Variants in NELL1 observed in about 807,000 individuals in gnomAD.
The protein encoded by NELL1 is neural EGFL like 1, also known as protein kinase C-binding protein NELL1.
A neutral mutation model predicts 107.4 loss-of-function variants in NELL1; 76 were observed. That is an observed-to-expected ratio of 0.71 (90% CI 0.59 to 0.86). The LOEUF (loss-of-function observed/expected upper bound fraction) is 0.86, where lower values mean the gene tolerates loss of function less well. Ranked by LOEUF, NELL1 falls within the 40% of genes least tolerant of loss-of-function variation. The pLI is 0.00. For synonymous variants in NELL1, 353 were observed against 341.2 expected (o/e 1.03, Z -0.38); for missense variants, 1,024 against 1,005.5 (o/e 1.02, Z -0.25).
At chr11:20,774,330 C>A (rs1257152421) in intron 2 of NELL1, among the ~76,000 whole-genome samples, 3 of 133,660 alleles carry the variant, frequency 2.2e-5, no homozygotes, top group Non-Finnish European at 4.8e-5. Flanking sequence ...TTCTTTTTTT[C>A]TTTCCTTCTC....
intron 12 of NELL1, among the ~76,000 whole-genome samples, chr11:21,057,118 T>G (rs1327047938): frequency 6.6e-6 from 1 of 152,056 alleles, no homozygotes; most frequent in Non-Finnish European, 1.5e-5. Flanking sequence ...ATTAAGAACT[T>G]TGTCAAATCA....
chr11:20,956,929 A>G (rs1851187136), intron 11 of NELL1, among the ~76,000 whole-genome samples: 1 of 152,174 alleles, frequency 6.6e-6, no homozygotes, highest in African/African-American at 2.4e-5. Flanking sequence ...AGTTCATCTA[A>G]AATGCTGCCT....
At chr11:21,525,666 A>C (rs1176530569) in intron 15 of NELL1, among the ~76,000 whole-genome samples, 1 of 152,222 alleles carries the variant, frequency 6.6e-6, no homozygotes, top group Non-Finnish European at 1.5e-5. Context: ...ATTGACTCAC[A>C]GTTCCACATG....
At chr11:21,386,457 T>C (rs936291110) in intron 15 of NELL1, among the ~76,000 whole-genome samples, 1 of 151,862 alleles carries the variant, frequency 6.6e-6, no homozygotes, top group African/African-American at 2.4e-5. Context: ...CCCACTTCCT[T>C]CCATAGACAA....
chr11:21,078,667 T>C (rs1168291545), intron 12 of NELL1, among the ~76,000 whole-genome samples: 4 of 152,118 alleles, frequency 2.6e-5, no homozygotes, highest in Admixed American at 6.5e-5. Context: ...CACACATATA[T>C]ACATGCATAC....
chr11:20,927,173 T>C (rs1375106302), intron 7 of NELL1, 135 bp from the exon 8 acceptor site: 3 of 719,298 alleles, frequency 4.2e-6, no homozygotes, highest in Admixed American at 3.3e-5. Context: ...AAAAAACAGA[T>C]AATGCTAAGA....
chr11:21,420,045 CG>C (rs1852621687), intron 15 of NELL1, among the ~76,000 whole-genome samples: 1 of 151,776 alleles, frequency 6.6e-6, no homozygotes, highest in Admixed American at 6.6e-5. Context: ...CTTAGAGGTG[CG>C]TGTGGGTGTG....
At chr11:21,329,521 A>G (rs999029638) in intron 14 of NELL1, among the ~76,000 whole-genome samples, 23 of 152,194 alleles carry the variant, frequency 1.5e-4, no homozygotes, top group Admixed American at 7.2e-4. Context: ...GCAAATTAAC[A>G]TATTCATCAT....
intron 4 of NELL1, among the ~76,000 whole-genome samples, chr11:20,874,136 C>T (rs985634367): frequency 4.6e-4 from 70 of 152,302 alleles, no homozygotes; most frequent in African/African-American, 1.4e-3. Context: ...GGCACGATCA[C>T]GGCTCACTGC....
chr11:21,336,969 CA>C (rs1434889531), intron 14 of NELL1, among the ~76,000 whole-genome samples: 2 of 151,922 alleles, frequency 1.3e-5, no homozygotes, highest in African/African-American at 4.8e-5. Context: ...GAAATCTCAG[CA>C]AATATTATGC....
At chr11:20,944,000 G>A (rs568404305) in intron 10 of NELL1, among the ~76,000 whole-genome samples, 32 of 152,264 alleles carry the variant, frequency 2.1e-4, no homozygotes, top group Non-Finnish European at 4.1e-4. Context: ...TGAGGGTAAT[G>A]GGTATAGGAT....
At chr11:20,988,545 A>G (rs61880772) in intron 12 of NELL1, among the ~76,000 whole-genome samples, 6,898 of 150,928 alleles carry the variant, frequency 0.046, 180 homozygotes, top group East Asian at 0.082. Context: ...ATGTATGTAT[A>G]TATTTGAAAG....
At chr11:21,090,359 T>TA (rs1006357498) in intron 12 of NELL1, among the ~76,000 whole-genome samples, 12 of 152,278 alleles carry the variant, frequency 7.9e-5, no homozygotes, top group African/African-American at 2.9e-4. Context: ...TCATACATAA[T>TA]AGAAAAAGGC....
At chr11:20,937,555 A>G (rs1232349975) in intron 9 of NELL1, among the ~76,000 whole-genome samples, 1 of 152,258 alleles carries the variant, frequency 6.6e-6, no homozygotes, top group Non-Finnish European at 1.5e-5. Flanking sequence ...ACATTGAAAT[A>G]ATTGTATATC....
Position 21,574,977 on chromosome 11 carries a change from A to G in NELL1, c.2388A>G (p.Gly796=). 1.2e-6 allele frequency: 2 copies of G among 1,610,758 alleles called. No individual in the cohort carries two copies. The highest frequency in any genetic ancestry group is 1.7e-6 in the Non-Finnish European group (2 of 1,177,762). Residue 796 remains glycine (G), a synonymous_variant, in exon 20 of 20, where the codon GGA becomes GGG. Transcript: ENST00000357134. ...CATGTTTCTTTGATGTACAGAATGGAAGAGTCTGTTGTTCTGTGGATTTTG... is the reference window on the plus strand; with the variant it reads ...CATGTTTCTTTGATGTACAGAATGGGAGAGTCTGTTGTTCTGTGGATTTTG... ...SPCTTCKCKN[G]RVCCSVDFEC... is the part of the protein sequence containing the mutation.
intron 2 of NELL1, among the ~76,000 whole-genome samples, chr11:20,695,532 T>C (rs917530913): frequency 6.6e-6 from 1 of 152,164 alleles, no homozygotes; most frequent in African/African-American, 2.4e-5. Context: ...AAGCTTTTTC[T>C]GTGCCTATTT....
rs1045266014 is a variant in NELL1, at chr11:21,182,325, T to A, written c.1427-47007T>A. On this transcript the variant is annotated intron_variant, in intron 13 of 19. Transcript: ENST00000357134. ...GTCAGGTGTCTGTAATCTCAGCTACTCAGAGAGGCTGAGGCAGGAGAATCA... is the reference window on the plus strand; with the variant it reads ...GTCAGGTGTCTGTAATCTCAGCTACACAGAGAGGCTGAGGCAGGAGAATCA... Among the ~76,000 whole-genome samples, 41 of 151,254 alleles carry A rather than the reference T, an allele frequency of 2.7e-4. 1 individual carries two copies. The highest frequency in any genetic ancestry group is 2.4e-3 in the Admixed American group (36 of 15,206).
chr11:21,190,531 G>C (rs1268585866), intron 13 of NELL1, among the ~76,000 whole-genome samples: 1 of 151,794 alleles, frequency 6.6e-6, no homozygotes, highest in Non-Finnish European at 1.5e-5. Context: ...GCCCAAGGAA[G>C]CTGCAGTGTC....
intron 3 of NELL1, among the ~76,000 whole-genome samples, chr11:20,835,394 T>A (rs11025778): frequency 0.03 from 4,598 of 152,306 alleles, 84 homozygotes; most frequent in Middle Eastern, 0.054. Flanking sequence ...GCTTTCACAG[T>A]ATGTAAGCCT....
Sources: allele counts gnomAD v4.1 joint callset (sites outside exome capture counted in the v4.1 genomes callset), GRCh38; gene constraint gnomAD v4.1.1; transcripts MANE v1.5; gene names NCBI Gene and HGNC (gene_info 2026-07-23, HGNC 2026-07-21).